DPY19L2: variants seen among roughly 807,000 people sequenced by gnomAD.
DPY19L2 encodes the protein probable C-mannosyltransferase DPY19L2.
A neutral mutation model predicts 97.9 loss-of-function variants in DPY19L2; 34 were observed. That is an observed-to-expected ratio of 0.35 (90% CI 0.26 to 0.46). The LOEUF (loss-of-function observed/expected upper bound fraction) is 0.46. DPY19L2 is among the 20% of genes least tolerant of loss of function. DPY19L2 has a pLI of 1.00. For synonymous variants in DPY19L2, 230 were observed against 307.9 expected (o/e 0.75, Z 2.65); for missense variants, 623 against 911.4 (o/e 0.68, Z 4.07).
intron 16 of DPY19L2, among the ~76,000 whole-genome samples, chr12:63,593,661 G>C (rs112880237): frequency 1.3e-4 from 20 of 151,028 alleles, no homozygotes; most frequent in Non-Finnish European, 1.9e-4. Context: ...GAGAGGGGAG[G>C]GATAGCTTTA....
intron 16 of DPY19L2, among the ~76,000 whole-genome samples, chr12:63,592,059 G>A (rs112313484): frequency 3.3e-3 from 93 of 28,108 alleles, no homozygotes; most frequent in African/African-American, 5.1e-3. Flanking sequence ...GGAAGGGAAG[G>A]GAAGGCAAGA....
At chr12:63,619,156 T>C (rs1396746839) in intron 9 of DPY19L2, among the ~76,000 whole-genome samples, 2 of 151,734 alleles carry the variant, frequency 1.3e-5, no homozygotes, top group East Asian at 1.9e-4. Flanking sequence ...AAAAAAAAAA[T>C]TGGGCCAGGC....
At chr12:63,634,487 A>G (rs2137992542) in intron 6 of DPY19L2, among the ~76,000 whole-genome samples, 1 of 152,182 alleles carries the variant, frequency 6.6e-6, no homozygotes, top group African/African-American at 2.4e-5. Context: ...GTGGGGCATC[A>G]CCTCACCCGG....
chr12:63,572,486 T>C (rs1879053587), intron 19 of DPY19L2, among the ~76,000 whole-genome samples: 1 of 152,260 alleles, frequency 6.6e-6, no homozygotes, highest in African/African-American at 2.4e-5. Context: ...GATCTGACTA[T>C]GACCTGGGGG....
chr12:63,607,932 C>T (rs1027079372), intron 12 of DPY19L2, among the ~76,000 whole-genome samples: 14 of 151,452 alleles, frequency 9.2e-5, no homozygotes, highest in African/African-American at 3.2e-4. Flanking sequence ...TGTGTGTGGC[C>T]CAAGGTTTAT....
At chr12:63,636,975 A>C (rs1891828020) in intron 6 of DPY19L2, among the ~76,000 whole-genome samples, 1 of 152,176 alleles carries the variant, frequency 6.6e-6, no homozygotes, top group Non-Finnish European at 1.5e-5. Flanking sequence ...ATATCAACAA[A>C]ATATACATTC....
intron 4 of DPY19L2, among the ~76,000 whole-genome samples, chr12:63,657,115 T>C (rs1402828083): frequency 2.0e-5 from 3 of 152,200 alleles, no homozygotes; most frequent in Admixed American, 2.0e-4. Flanking sequence ...TATAAGACAG[T>C]AGACATAGAG....
chr12:63,615,397 TAAAG>T (rs1015653069), intron 11 of DPY19L2, among the ~76,000 whole-genome samples: 1 of 152,140 alleles, frequency 6.6e-6, no homozygotes, highest in African/African-American at 2.4e-5. Flanking sequence ...GCTAGTACCA[TAAAG>T]AGAGACATTA....
chr12:63,607,350 C>A (rs1886216547), intron 12 of DPY19L2, among the ~76,000 whole-genome samples: 1 of 152,058 alleles, frequency 6.6e-6, no homozygotes, highest in South Asian at 2.1e-4. Context: ...TTATATATTA[C>A]AAGTGTAATG....
Position 63,562,516 on chromosome 12 carries a change from G to A in DPY19L2, c.2127-1854C>T, listed in dbSNP as rs1876771516. Among the ~76,000 whole-genome samples the A allele has an allele frequency of 3.3e-5, 5 of 152,096 alleles. 1 individual carries two copies. The South Asian group carries it at 1.0e-3, about 31-fold the overall frequency. ...TGTACAATTACTGGGATGGATATATGCTTTCTTTTATTTTAATAAATACAG... is the reference window on the plus strand; with the variant it reads ...TGTACAATTACTGGGATGGATATATACTTTCTTTTATTTTAATAAATACAG... On this transcript the variant is annotated intron_variant, in intron 21 of 21. Transcript: ENST00000324472.
intron 21 of DPY19L2, 73 bp downstream of exon 21, chr12:63,569,151 G>A: frequency 1.4e-6 from 2 of 1,478,794 alleles, no homozygotes; most frequent in Non-Finnish European, 1.8e-6. Context: ...AAAGAATCAG[G>A]ACTACTATAA....
At chr12:63,660,014 A>T (rs1895470147) in intron 4 of DPY19L2, among the ~76,000 whole-genome samples, 1 of 152,178 alleles carries the variant, frequency 6.6e-6, no homozygotes. Context: ...CAGCCATCGT[A>T]AGAGTAAAAA....
intron 20 of DPY19L2, among the ~76,000 whole-genome samples, chr12:63,569,987 C>A (rs981267135): frequency 6.6e-6 from 1 of 152,118 alleles, no homozygotes; most frequent in Non-Finnish European, 1.5e-5. Context: ...CAGTGGTTTC[C>A]ACGCCAGTTC....
intron 9 of DPY19L2, among the ~76,000 whole-genome samples, chr12:63,619,211 TAGG>T (rs1277810340): frequency 2.6e-5 from 4 of 151,980 alleles, no homozygotes; most frequent in African/African-American, 9.7e-5. Context: ...GAGGCCAAGA[TAGG>T]AGAACTGCTT....
chr12:63,628,651 C>A (rs1349445927), intron 6 of DPY19L2, among the ~76,000 whole-genome samples: 1 of 151,938 alleles, frequency 6.6e-6, no homozygotes, highest in African/African-American at 2.4e-5. Context: ...CAGGACGTTG[C>A]CAAACAAAAG....
intron 4 of DPY19L2, among the ~76,000 whole-genome samples, chr12:63,657,355 A>T (rs900444584): frequency 6.6e-6 from 1 of 152,138 alleles, no homozygotes; most frequent in Non-Finnish European, 1.5e-5. Context: ...CCCTAGAAAG[A>T]AAATGCCTTG....
At position 63,626,500 on chromosome 12, in the gene DPY19L2, G is replaced by A; in HGVS notation, c.830C>T (p.Thr277Ile). ...ATGGTTGAAAAAGAAGCACAGTACT[G>A]TAATAAGACCTCCCAGTTGAGTCCC... ...LSGTQLGGLI[T>I]VLCFFFNHGE... Residue 277 changes from threonine to isoleucine, a missense_variant, in exon 7 of 22, where the codon ACA becomes ATA. Around this residue, in one of 6 missense-constraint regions of DPY19L2, gnomAD observed 67 missense variants for 88.0 expected, o/e 0.76. Coordinates refer to ENST00000324472, the MANE Select transcript of DPY19L2 (RefSeq NM_173812.5). 2 of 1,542,230 alleles carry A rather than the reference G, an allele frequency of 1.3e-6. No homozygotes were observed. Among genetic ancestry groups the A allele is most frequent in the Non-Finnish European group, 1.7e-6 (2 of 1,149,446 alleles).
chr12:63,626,844 TCTC>T (rs1213363540), intron 6 of DPY19L2, among the ~76,000 whole-genome samples: 1 of 152,046 alleles, frequency 6.6e-6, no homozygotes, highest in African/African-American at 2.4e-5. Context: ...AGTGTCGAAA[TCTC>T]AGCTTACAGC....
chr12:63,639,895 T>G (rs890763666), intron 6 of DPY19L2, among the ~76,000 whole-genome samples: 2 of 152,168 alleles, frequency 1.3e-5, no homozygotes, highest in Non-Finnish European at 2.9e-5. Flanking sequence ...TAAAGACACA[T>G]GCACACATAT....
Sources: allele counts gnomAD v4.1 joint callset (sites outside exome capture counted in the v4.1 genomes callset), GRCh38; gene constraint gnomAD v4.1.1; regional missense constraint gnomAD v4.1.1; transcripts MANE v1.5; gene names NCBI Gene and HGNC (gene_info 2026-07-23, HGNC 2026-07-21).